The following RALGAPA2 variants were observed in gnomAD, a reference collection of about 807,000 sequenced individuals.
RALGAPA2 encodes ral GTPase-activating protein subunit alpha-2.
A neutral mutation model predicts 230.4 loss-of-function variants in RALGAPA2; 139 were observed. That is an observed-to-expected ratio of 0.60 (90% confidence interval 0.53 to 0.69). RALGAPA2 has a LOEUF of 0.69. Ranked by LOEUF, RALGAPA2 falls within the 30% of genes least tolerant of loss-of-function variation. The pLI is 0.00. For synonymous variants in RALGAPA2, 847 were observed against 837.8 expected (o/e 1.01, Z -0.19); for missense variants, 2,163 against 2,276.0 (o/e 0.95, Z 1.01).
chr20:20,540,479 G>A (rs1280666205), intron 24 of RALGAPA2, among the ~76,000 whole-genome samples: 2 of 152,112 alleles, frequency 1.3e-5, no homozygotes, highest in African/African-American at 4.8e-5. Flanking sequence ...TAAAAGATAA[G>A]GCACTCATGT....
At chr20:20,461,107 TTTC>T (rs1162709380) in intron 37 of RALGAPA2, among the ~76,000 whole-genome samples, 8 of 152,222 alleles carry the variant, frequency 5.3e-5, no homozygotes, top group African/African-American at 1.9e-4. Context: ...AACCAATCTG[TTTC>T]TTTTTATTCA....
At chr20:20,527,043 C>G (rs186935266) in intron 27 of RALGAPA2, among the ~76,000 whole-genome samples, 11 of 152,304 alleles carry the variant, frequency 7.2e-5, no homozygotes, top group African/African-American at 4.8e-5. Flanking sequence ...CAAGGTCTTA[C>G]TTTTTCATGC....
intron 31 of RALGAPA2, among the ~76,000 whole-genome samples, chr20:20,515,265 C>T (rs1050566593): frequency 7.2e-5 from 11 of 152,274 alleles, no homozygotes; most frequent in African/African-American, 1.9e-4. Flanking sequence ...TAAAACCTGC[C>T]GACAGAAGTG....
chr20:20,569,892 C>T (rs1465735084), intron 23 of RALGAPA2, among the ~76,000 whole-genome samples: 9 of 152,062 alleles, frequency 5.9e-5, no homozygotes, highest in Admixed American at 5.9e-4. Flanking sequence ...AAAATATTAG[C>T]ATAAGGCTTC....
intron 1 of RALGAPA2, among the ~76,000 whole-genome samples, chr20:20,681,074 A>G (rs913799123): frequency 5.3e-5 from 8 of 152,198 alleles, no homozygotes; most frequent in Non-Finnish European, 1.2e-4. Context: ...CGGACCAGCT[A>G]GAAGGCTGGA....
chr20:20,502,234 G>A (rs2062398497), intron 35 of RALGAPA2, among the ~76,000 whole-genome samples: 1 of 152,198 alleles, frequency 6.6e-6, no homozygotes, highest in African/African-American at 2.4e-5. Context: ...AGGTATGCCT[G>A]TACATAGTCC....
In RALGAPA2 at chr20:20,635,420, G is replaced by A; in HGVS notation, c.1003C>T (p.Gln335Ter). 1.3e-6 allele frequency: 2 copies of A among 1,589,330 alleles called. No individual in the cohort carries two copies. The highest frequency in any genetic ancestry group is 1.7e-6 in the Non-Finnish European group (2 of 1,169,318). Reference protein sequence around the residue: ...NGVDVLPKIIQTVGGGAVQER... With the variant: ...NGVDVLPKII ...TAAAAAGATGATGGATGGCATACCT[G>A]GATGATTTTAGGCAATACATCAACT... The change falls in exon 9 of 40, where the codon CAG becomes TAG. Residue 335 changes from glutamine (Q) to a stop codon, truncating the protein, a stop_gained and splice_region_variant. Transcript: ENST00000202677. LOFTEE classifies it high-confidence loss of function.
chr20:20,423,394 G>A (rs1051293930), intron 37 of RALGAPA2, among the ~76,000 whole-genome samples: 2 of 152,186 alleles, frequency 1.3e-5, no homozygotes, highest in Non-Finnish European at 2.9e-5. Flanking sequence ...CCACCAGAGG[G>A]TGGGCAGAAG....
chr20:20,508,011 A>G (rs1050958070), intron 33 of RALGAPA2, among the ~76,000 whole-genome samples: 1 of 152,208 alleles, frequency 6.6e-6, no homozygotes, highest in Non-Finnish European at 1.5e-5. Flanking sequence ...ACAATGTTTC[A>G]GTTTATTCTC....
intron 38 of RALGAPA2, among the ~76,000 whole-genome samples, chr20:20,407,986 A>G (rs1005107730): frequency 9.2e-5 from 14 of 152,230 alleles, no homozygotes; most frequent in African/African-American, 2.9e-4. Flanking sequence ...GAGCCTTGAC[A>G]ATCCAGCCTA....
intron 13 of RALGAPA2, among the ~76,000 whole-genome samples, chr20:20,615,242 C>A (rs1174979745): frequency 6.6e-6 from 1 of 151,362 alleles, no homozygotes; most frequent in African/African-American, 2.4e-5. Flanking sequence ...CTCACTGCAA[C>A]CTCCGCCTTC....
chr20:20,458,824 A>ATATATATATAGACC (rs1569418116), intron 37 of RALGAPA2, among the ~76,000 whole-genome samples: 20 of 3,510 alleles, frequency 5.7e-3, no homozygotes, highest in African/African-American at 0.014. Context: ...ATATAGACCT[A>ATATATATATAGACC]TATATATATA....
At chr20:20,567,519 T>C (rs981391495) in intron 23 of RALGAPA2, among the ~76,000 whole-genome samples, 4 of 151,948 alleles carry the variant, frequency 2.6e-5, no homozygotes, top group Non-Finnish European at 5.9e-5. Flanking sequence ...CCAGGCAAAA[T>C]AAAACGGAAG....
intron 31 of RALGAPA2, 33 bp from the exon 32 acceptor site, chr20:20,513,317 A>G (rs2062770950): frequency 2.4e-6 from 3 of 1,268,336 alleles, no homozygotes; most frequent in African/African-American, 3.1e-5. Flanking sequence ...ATAAAGAGTC[A>G]GTGGTGAATG....
Position 20,712,615 on chromosome 20 carries a change from C to CGCT in RALGAPA2, c.-136_-135insAGC. On this transcript the variant is annotated 5_prime_UTR_variant, in exon 1 of 40. Transcript: ENST00000202677. This position sits in a 1 kb window ranked among gnomAD's most constrained non-coding sequence, Gnocchi z 5.5. ...CCAGCCCCGCTGCTGCCGCCGCCGC[C>CGCT]GCCGCCGCCGCCGCCTCAGCTGTGT... is the stretch of plus-strand genomic sequence containing the variant. 8.4e-7 allele frequency: 1 copy of CGCT among 1,189,922 alleles called. No homozygotes were observed. Among genetic ancestry groups the CGCT allele is most frequent in the East Asian group, 4.0e-5 (1 of 25,016 alleles). 73.7% of individuals were successfully genotyped at this position (1,189,922 alleles called of 1,614,324 possible).
intron 23 of RALGAPA2, among the ~76,000 whole-genome samples, chr20:20,555,053 A>G: frequency 6.6e-6 from 1 of 152,212 alleles, no homozygotes; most frequent in Non-Finnish European, 1.5e-5. Context: ...TTACCATTTT[A>G]GCTCTCATAT....
intron 30 of RALGAPA2, among the ~76,000 whole-genome samples, chr20:20,524,130 G>C (rs1297118495): frequency 6.6e-6 from 1 of 152,026 alleles, no homozygotes; most frequent in African/African-American, 2.4e-5. Flanking sequence ...CTAATTTTTT[G>C]TACTTTTAGT....
intron 1 of RALGAPA2, among the ~76,000 whole-genome samples, chr20:20,693,202 A>G (rs1483030569): frequency 6.6e-6 from 1 of 152,242 alleles, no homozygotes; most frequent in Non-Finnish European, 1.5e-5. Context: ...ATAAAGATAT[A>G]GTCCAAATAC....
intron 1 of RALGAPA2, among the ~76,000 whole-genome samples, chr20:20,690,848 C>T (rs576562422): frequency 6.6e-6 from 1 of 152,292 alleles, no homozygotes; most frequent in South Asian, 2.1e-4. Flanking sequence ...CATCTACCTC[C>T]AACTACATCT....
Sources: gnomAD v4.1 joint callset for allele counts (sites outside exome capture counted in the v4.1 genomes callset) on GRCh38, gnomAD v4.1.1 for gene constraint, Gnocchi (gnomAD v3.1) non-coding constraint, MANE v1.5 for transcripts, NCBI Gene and HGNC (gene_info 2026-07-23, HGNC 2026-07-21) for gene names.